The following SPATA13 variants were observed in gnomAD, a reference collection of about 807,000 sequenced individuals.
SPATA13 encodes spermatogenesis associated 13.
In SPATA13, 50 loss-of-function variants were observed where a neutral mutation model predicts 104.0. The ratio of observed to expected loss-of-function variants is 0.48; its 90% CI spans 0.38 to 0.61. The LOEUF is 0.61. SPATA13 is among the 20% of genes least tolerant of loss of function. The pLI, the probability that SPATA13 is intolerant of heterozygous loss-of-function variation, is 0.00. For synonymous variants in SPATA13, 606 were observed against 667.5 expected (o/e 0.91, Z 1.42); for missense variants, 1,524 against 1,690.6 (o/e 0.90, Z 1.73).
intron 1 of SPATA13, among the ~76,000 whole-genome samples, chr13:23,983,131 G>A (rs536830485): frequency 1.3e-5 from 2 of 152,240 alleles, no homozygotes; most frequent in African/African-American, 4.8e-5. Flanking sequence ...GTCTTTGTTC[G>A]GGCTGCCATC....
In SPATA13 at chr13:24,123,917, C is replaced by G. The variant is rs1881126165; in HGVS notation, c.-111-98902C>G. Reference sequence around the variant, plus strand: ...AGAGATCATTGTTAATTCCCTAACTCATTTCCTCTTTCAGGCTTTTGAGAT... The same window carrying G: ...AGAGATCATTGTTAATTCCCTAACTGATTTCCTCTTTCAGGCTTTTGAGAT... On this transcript the variant is annotated intron_variant, in intron 3 of 14. Transcript: ENST00000424834. 1.8e-5 allele frequency: 11 copies of G among 598,614 alleles called. No individual in the cohort carries two copies. The East Asian group carries it at 3.0e-4, about 16-fold the overall frequency. The allele number at this position is 598,614 out of a possible 1,614,324, so 37.1% of individuals were successfully genotyped here. A position where few individuals can be genotyped will look rare whatever the true frequency, so the allele number is the denominator to read the frequency against.
At chr13:24,247,375 A>C (rs1873196426) in intron 2 of SPATA13, among the ~76,000 whole-genome samples, 1 of 152,082 alleles carries the variant, frequency 6.6e-6, no homozygotes, top group Non-Finnish European at 1.5e-5. Context: ...GGCCCTGGGC[A>C]AGTCACGTCA....
intron 1 of SPATA13, chr13:24,162,540 T>A (rs911267584): frequency 6.4e-6 from 1 of 155,784 alleles, no homozygotes; most frequent in African/African-American, 2.4e-5. Flanking sequence ...GGACCCTCCC[T>A]TCTGCCACTG....
intron 11 of SPATA13, among the ~76,000 whole-genome samples, chr13:24,298,590 A>G (rs1456058101): frequency 6.6e-6 from 1 of 152,194 alleles, no homozygotes; most frequent in African/African-American, 2.4e-5. Context: ...TCAGGGAGCC[A>G]CAGTGAAGGA....
intron 2 of SPATA13, among the ~76,000 whole-genome samples, chr13:24,230,946 A>C (rs1370522780): frequency 6.6e-6 from 1 of 152,080 alleles, no homozygotes; most frequent in African/African-American, 2.4e-5. Flanking sequence ...CTCTGTAGAG[A>C]GGTCTAATTT....
chr13:24,287,532 C>T (rs1183884361), intron 7 of SPATA13, among the ~76,000 whole-genome samples: 2 of 152,202 alleles, frequency 1.3e-5, no homozygotes, highest in Admixed American at 1.3e-4. Flanking sequence ...AAAAGAATGG[C>T]TTTCATAGAA....
intron 3 of SPATA13, among the ~76,000 whole-genome samples, chr13:24,098,609 G>C (rs111707078): frequency 4.3e-5 from 5 of 116,920 alleles, no homozygotes; most frequent in Non-Finnish European, 7.6e-5. Context: ...AAAAAAAAAA[G>C]AAGAAGAAGA....
intron 2 of SPATA13, among the ~76,000 whole-genome samples, chr13:24,237,540 G>A (rs896974628): frequency 6.6e-6 from 1 of 152,180 alleles, no homozygotes; most frequent in Admixed American, 6.5e-5. Context: ...CAGGGGCTGT[G>A]GGGGAAGAGA....
rs535382181 is a variant in SPATA13, at chr13:24,021,396, G to A, written c.-112+3695G>A. ...TAGTCCCAGCTACTTTGGAAGCTGA[G>A]TCAGGAGGATCACTTGAGCCCAGGA... On this transcript the variant is annotated intron_variant, in intron 3 of 14. Transcript: ENST00000424834. 3.9e-5 allele frequency among the ~76,000 whole-genome samples: 6 copies of A among 152,346 alleles called. No individual in the cohort carries two copies. The South Asian group carries it at 1.2e-3, about 32-fold the overall frequency.
intron 11 of SPATA13, among the ~76,000 whole-genome samples, chr13:24,298,806 G>A (rs1194601652): frequency 6.6e-6 from 1 of 152,216 alleles, no homozygotes; most frequent in African/African-American, 2.4e-5. Flanking sequence ...GGTTTTGTGA[G>A]ATTCTGCAGT....
chr13:24,077,709 C>G (rs1020874555), intron 3 of SPATA13, among the ~76,000 whole-genome samples: 1 of 152,134 alleles, frequency 6.6e-6, no homozygotes, highest in African/African-American at 2.4e-5. Flanking sequence ...GCGGCACACA[C>G]TATGCTGTAG....
intron 3 of SPATA13, among the ~76,000 whole-genome samples, chr13:24,132,498 A>G (rs1881418646): frequency 6.6e-6 from 1 of 152,260 alleles, no homozygotes. Flanking sequence ...TAGGACCCCA[A>G]GCCTCAAATT....
chr13:24,076,489 T>C (rs1393973024), intron 3 of SPATA13, among the ~76,000 whole-genome samples: 2 of 152,154 alleles, frequency 1.3e-5, no homozygotes, highest in South Asian at 2.1e-4. Context: ...TTCTCAATTG[T>C]TGTTTTGATA....
intron 1 of SPATA13, among the ~76,000 whole-genome samples, chr13:24,204,620 A>G (rs1870601411): frequency 6.6e-6 from 1 of 152,050 alleles, no homozygotes; most frequent in African/African-American, 2.4e-5. Context: ...CTCCTCCCAG[A>G]CCCCAGAAAT....
chr13:24,153,081 T>C (rs7317248), intron 3 of SPATA13, among the ~76,000 whole-genome samples: 140,522 of 152,300 alleles, frequency 0.92, 64,882 homozygotes, highest in South Asian at 0.97. Flanking sequence ...TTAGGACCTC[T>C]GAGTTGGGAC....
chr13:24,082,637 G>A (rs2137779758), intron 3 of SPATA13, among the ~76,000 whole-genome samples: 1 of 151,246 alleles, frequency 6.6e-6, no homozygotes, highest in South Asian at 2.1e-4. Flanking sequence ...TGGCTAACAA[G>A]GTGAAACCCC....
intron 2 of SPATA13, among the ~76,000 whole-genome samples, chr13:24,015,806 T>C (rs915758508): frequency 3.9e-5 from 1 of 25,968 alleles, no homozygotes; most frequent in African/African-American, 1.2e-4. Context: ...AAGGTGAGCC[T>C]CGGCTGGTGA....
chr13:24,092,694 C>G (rs1879946442), intron 3 of SPATA13, among the ~76,000 whole-genome samples: 1 of 152,176 alleles, frequency 6.6e-6, no homozygotes, highest in South Asian at 2.1e-4. Flanking sequence ...TATTGATGTA[C>G]TGTTTATTCC....
chr13:24,040,169 C>T (rs560102530), intron 3 of SPATA13, among the ~76,000 whole-genome samples: 111 of 152,332 alleles, frequency 7.3e-4, no homozygotes, highest in African/African-American at 2.6e-3. Flanking sequence ...AACCAAATGG[C>T]GAGTGCCCTA....
Sources: gnomAD v4.1 joint callset for allele counts (sites outside exome capture counted in the v4.1 genomes callset) on GRCh38, gnomAD v4.1.1 for gene constraint, MANE v1.5 for transcripts, NCBI Gene and HGNC (gene_info 2026-07-23, HGNC 2026-07-21) for gene names.